The following ROBO2 variants were observed in gnomAD, a reference collection of about 807,000 sequenced individuals.
ROBO2 encodes the protein roundabout guidance receptor 2.
A neutral mutation model predicts 160.8 loss-of-function variants in ROBO2; 53 were observed. The observed-to-expected ratio is 0.33, with a 90% confidence interval of 0.26 to 0.41. The LOEUF is 0.41. ROBO2 is among the 10% of genes least tolerant of loss of function. The pLI, the probability that ROBO2 is intolerant of heterozygous loss-of-function variation, is 1.00. For missense variants in ROBO2, 1,577 were observed against 1,722.4 expected, an observed-to-expected ratio of 0.92 and a Z score of 1.49; for synonymous variants, 664 against 611.7, an observed-to-expected ratio of 1.09 and a Z score of -1.26.
intron 2 of ROBO2, among the ~76,000 whole-genome samples, chr3:76,747,159 C>A (rs2093907789): frequency 6.6e-6 from 1 of 152,078 alleles, no homozygotes; most frequent in Admixed American, 6.6e-5. Flanking sequence ...ATACATATGT[C>A]AAGTCCTTCC....
chr3:76,349,010 T>G (rs577184759), intron 2 of ROBO2, among the ~76,000 whole-genome samples: 1 of 152,256 alleles, frequency 6.6e-6, no homozygotes, highest in Non-Finnish European at 1.5e-5. Flanking sequence ...CAGTTATACA[T>G]GGCAACTTTA....
rs138585096 is a variant in ROBO2, at chr3:76,701,917, A to G, written c.110-396097A>G. Reference sequence around the variant, plus strand: ...TGTTCGGAGAACTGTATGTATTTAGAAATGCCGCTCTTCATTTATTCAGAC... The same window carrying G: ...TGTTCGGAGAACTGTATGTATTTAGGAATGCCGCTCTTCATTTATTCAGAC... On this transcript the variant is annotated intron_variant, in intron 2 of 26. Coordinates refer to the ROBO2 transcript ENST00000487694. Among the ~76,000 whole-genome samples the G allele has an allele frequency of 3.4e-3, 515 of 151,964 alleles. 7 individuals carry two copies. Among genetic ancestry groups the G allele is most frequent in the African/African-American group, 0.012 (502 of 41,510 alleles).
intron 2 of ROBO2, among the ~76,000 whole-genome samples, chr3:76,406,447 C>T (rs532522485): frequency 5.9e-5 from 9 of 151,864 alleles, no homozygotes; most frequent in African/African-American, 2.2e-4. Flanking sequence ...GTATGGATAG[C>T]AGTGATTATT....
intron 2 of ROBO2, among the ~76,000 whole-genome samples, chr3:77,204,470 T>C (rs2083223986): frequency 6.6e-6 from 1 of 152,220 alleles, no homozygotes; most frequent in South Asian, 2.1e-4. Flanking sequence ...ATTTTTATGA[T>C]GCATTTATGG....
At chr3:76,086,927 C>G (rs1416816055) in intron 2 of ROBO2, among the ~76,000 whole-genome samples, 1 of 151,958 alleles carries the variant, frequency 6.6e-6, no homozygotes, top group Non-Finnish European at 1.5e-5. Context: ...CATTAACAGA[C>G]TAGATGTGTA....
At chr3:76,374,028 A>G (rs2076228396) in intron 2 of ROBO2, among the ~76,000 whole-genome samples, 2 of 151,972 alleles carry the variant, frequency 1.3e-5, no homozygotes, top group Non-Finnish European at 2.9e-5. Context: ...TAGGAGTTCC[A>G]AGAACTTAAT....
intron 2 of ROBO2, among the ~76,000 whole-genome samples, chr3:76,159,597 G>A (rs971779643): frequency 6.6e-6 from 1 of 152,074 alleles, no homozygotes; most frequent in African/African-American, 2.4e-5. Context: ...CCACCAATGC[G>A]AATTCCACAA....
chr3:77,478,540 G>A (rs758226879), intron 3 of ROBO2, among the ~76,000 whole-genome samples: 5 of 152,114 alleles, frequency 3.3e-5, no homozygotes, highest in Non-Finnish European at 7.4e-5. Flanking sequence ...GAGGATCCAC[G>A]CAACATTTGT....
chr3:77,054,061 G>T (rs527999381), intron 1 of ROBO2, among the ~76,000 whole-genome samples: 3 of 152,318 alleles, frequency 2.0e-5, no homozygotes, highest in African/African-American at 7.2e-5. Context: ...ACATGAGAGA[G>T]ATTTTGGCAG....
At chr3:77,547,586 G>A (rs1202860539) in intron 7 of ROBO2, among the ~76,000 whole-genome samples, 1 of 152,062 alleles carries the variant, frequency 6.6e-6, no homozygotes, top group Non-Finnish European at 1.5e-5. Flanking sequence ...CAGCCATTAT[G>A]TCTAATTGTT....
At chr3:77,616,844 T>G (rs926487425) in intron 21 of ROBO2, among the ~76,000 whole-genome samples, 3 of 152,196 alleles carry the variant, frequency 2.0e-5, no homozygotes, top group African/African-American at 7.2e-5. Flanking sequence ...CTCAAAATTT[T>G]TTAAAAGGAT....
intron 2 of ROBO2, among the ~76,000 whole-genome samples, chr3:76,910,602 T>C (rs1357669214): frequency 1.3e-5 from 2 of 151,640 alleles, no homozygotes; most frequent in Non-Finnish European, 2.9e-5. Context: ...GGCATGCACC[T>C]GTAGTCCGAG....
At chr3:76,217,792 A>G (rs1703661263) in intron 2 of ROBO2, among the ~76,000 whole-genome samples, 1 of 152,144 alleles carries the variant, frequency 6.6e-6, no homozygotes, top group African/African-American at 2.4e-5. Flanking sequence ...AAAAGAGGGA[A>G]TCCTCCCTAC....
At chr3:76,071,985 T>G (rs1482063374) in intron 2 of ROBO2, among the ~76,000 whole-genome samples, 1 of 152,242 alleles carries the variant, frequency 6.6e-6, no homozygotes, top group South Asian at 2.1e-4. Context: ...TTAATAGTTG[T>G]TCTACAGTAT....
intron 2 of ROBO2, among the ~76,000 whole-genome samples, chr3:76,648,793 A>G (rs1378050103): frequency 6.6e-6 from 1 of 152,192 alleles, no homozygotes; most frequent in Non-Finnish European, 1.5e-5. Context: ...AATATCTTAT[A>G]ATAAGACTAG....
At chr3:76,109,840 T>G (rs2070138980) in intron 2 of ROBO2, among the ~76,000 whole-genome samples, 1 of 151,920 alleles carries the variant, frequency 6.6e-6, no homozygotes, top group Admixed American at 6.6e-5. Flanking sequence ...TTTTTTGAAC[T>G]CTACAATGTC....
intron 2 of ROBO2, among the ~76,000 whole-genome samples, chr3:76,041,548 A>G (rs2067274549): frequency 6.6e-6 from 1 of 152,084 alleles, no homozygotes; most frequent in South Asian, 2.1e-4. Context: ...TGTATTTTCC[A>G]ACTAAATCTT....
intron 2 of ROBO2, among the ~76,000 whole-genome samples, chr3:77,467,589 A>ATCTG (rs1212879244): frequency 1.3e-5 from 1 of 76,658 alleles, no homozygotes; most frequent in Admixed American, 1.2e-4. Context: ...ATCTGTCTGT[A>ATCTG]TCTATCTATC....
At chr3:77,644,416 T>G (rs528778546) in intron 24 of ROBO2, among the ~76,000 whole-genome samples, 143 of 152,290 alleles carry the variant, frequency 9.4e-4, no homozygotes, top group African/African-American at 3.2e-3. Context: ...GTTCATTGTA[T>G]GCAGCTCTCT....
Sources: allele counts gnomAD v4.1 joint callset (sites outside exome capture counted in the v4.1 genomes callset), GRCh38; gene constraint gnomAD v4.1.1; transcripts MANE v1.5; gene names NCBI Gene and HGNC (gene_info 2026-07-23, HGNC 2026-07-21).